Variants in GPM6A observed in about 807,000 individuals in gnomAD.
GPM6A encodes the protein glycoprotein M6A, also known as neuronal membrane glycoprotein M6-a.
A neutral mutation model predicts 32.1 loss-of-function variants in GPM6A; 7 were observed. That is an observed-to-expected ratio of 0.22 (90% CI 0.12 to 0.41). GPM6A has a LOEUF of 0.41. Among genes scored for constraint, GPM6A ranks in the 10% least tolerant of loss-of-function variants. The pLI, the probability that GPM6A is intolerant of heterozygous loss-of-function variation, is 1.00. For missense variants in GPM6A, 235 were observed against 347.2 expected (o/e 0.68, Z 2.57); for synonymous variants, 130 against 123.4 (o/e 1.05, Z -0.35).
At chr4:175,750,402 A>G (rs2581758) in intron 1 of GPM6A, among the ~76,000 whole-genome samples, 1,768 of 152,192 alleles carry the variant, frequency 0.012, 37 homozygotes, top group African/African-American at 0.041. Context: ...CTTGAGACTA[A>G]TGAGGGTAAT....
intron 1 of GPM6A, among the ~76,000 whole-genome samples, chr4:175,895,194 C>T (rs1291432333): frequency 6.6e-6 from 1 of 152,068 alleles, no homozygotes; most frequent in South Asian, 2.1e-4. Context: ...TGAGATGCCA[C>T]CAGTGTAGCC....
intron 1 of GPM6A, among the ~76,000 whole-genome samples, chr4:175,796,552 G>T (rs1295703541): frequency 1.3e-5 from 2 of 152,068 alleles, no homozygotes; most frequent in South Asian, 4.1e-4. Context: ...ATGTTTGAAT[G>T]CTTCTGTTTA....
chr4:175,694,426 A>C (rs934329458), intron 2 of GPM6A, among the ~76,000 whole-genome samples: 3 of 152,212 alleles, frequency 2.0e-5, no homozygotes, highest in Non-Finnish European at 2.9e-5. Flanking sequence ...GAGTTCTTAG[A>C]TGGAAAGAAG....
chr4:175,928,817 C>G lies in GPM6A; in HGVS notation c.-23+73492G>C, dbSNP rs565337667. Reference sequence around the variant, plus strand: ...ACTTGGTTTTATAGTATAGTTTGGCCAAAGTACTCAGGTTTATCATAGACA... The same window carrying G: ...ACTTGGTTTTATAGTATAGTTTGGCGAAAGTACTCAGGTTTATCATAGACA... On this transcript the variant is annotated intron_variant, in intron 1 of 7. Coordinates refer to the GPM6A transcript ENST00000280187. Among the ~76,000 whole-genome samples, 8 of 152,156 alleles carry G rather than the reference C, an allele frequency of 5.3e-5. No individual in the cohort carries two copies. The South Asian group carries it at 1.7e-3, about 32-fold the overall frequency.
chr4:175,928,825 T>C (rs1738931603), intron 1 of GPM6A, among the ~76,000 whole-genome samples: 1 of 152,224 alleles, frequency 6.6e-6, no homozygotes. Flanking sequence ...GCCAAAGTAC[T>C]CAGGTTTATC....
At position 175,697,758 on chromosome 4, in the gene GPM6A, G is replaced by A. The variant is rs371606490; in HGVS notation, c.230+3817C>T. On this transcript the variant is annotated intron_variant, in intron 2 of 6. Coordinates refer to ENST00000393658, the MANE Select transcript of GPM6A (RefSeq NM_201591.3). ...AAATACATTCTTCTCTCTCTCTGGAGGTTGCCACACCTCAAATGTAATGGG... is the reference window on the plus strand; with the variant it reads ...AAATACATTCTTCTCTCTCTCTGGAAGTTGCCACACCTCAAATGTAATGGG... Among the ~76,000 whole-genome samples the A allele has an allele frequency of 5.3e-5, 8 of 152,218 alleles. No homozygotes were observed. In the East Asian group the frequency reaches 5.8e-4, roughly 11 times the overall value.
intron 1 of GPM6A, among the ~76,000 whole-genome samples, chr4:175,915,575 A>T (rs1016871243): frequency 6.6e-6 from 1 of 152,124 alleles, no homozygotes; most frequent in African/African-American, 2.4e-5. Context: ...AAAGTGCTAT[A>T]AGTCAATAAG....
At chr4:175,654,892 TC>T (rs1741998112) in intron 3 of GPM6A, among the ~76,000 whole-genome samples, 1 of 152,132 alleles carries the variant, frequency 6.6e-6, no homozygotes, top group Non-Finnish European at 1.5e-5. Flanking sequence ...GTAATCAGCA[TC>T]CTTTTGGTTG....
intron 2 of GPM6A, among the ~76,000 whole-genome samples, chr4:175,687,371 T>G (rs1268988338): frequency 1.3e-5 from 2 of 152,130 alleles, no homozygotes; most frequent in East Asian, 3.9e-4. Context: ...TTCTATCTTC[T>G]GCTTCTATAA....
intron 4 of GPM6A, among the ~76,000 whole-genome samples, chr4:175,646,677 C>G (rs996519753): frequency 6.6e-6 from 1 of 152,070 alleles, no homozygotes; most frequent in Non-Finnish European, 1.5e-5. Context: ...GGTTTTTGAA[C>G]AAACATAGAA....
intron 1 of GPM6A, among the ~76,000 whole-genome samples, chr4:175,900,341 AGG>A (rs1484948953): frequency 4.8e-4 from 71 of 147,992 alleles, no homozygotes; most frequent in African/African-American, 1.7e-3. Flanking sequence ...AGGAAAGGAA[AGG>A]AAAGGAAAAG....
At chr4:175,680,606 G>A (rs1743628244) in intron 2 of GPM6A, among the ~76,000 whole-genome samples, 1 of 152,076 alleles carries the variant, frequency 6.6e-6, no homozygotes, top group Non-Finnish European at 1.5e-5. Flanking sequence ...TATTGACTTA[G>A]TTTCATTTTT....
chr4:175,963,515 T>A (rs1361881854), intron 1 of GPM6A, among the ~76,000 whole-genome samples: 1 of 152,052 alleles, frequency 6.6e-6, no homozygotes, highest in East Asian at 1.9e-4. Context: ...ATATTTAAAC[T>A]GTTAAAAGGA....
intron 1 of GPM6A, among the ~76,000 whole-genome samples, chr4:175,875,627 T>C (rs1315943280): frequency 6.6e-6 from 1 of 152,186 alleles, no homozygotes; most frequent in Non-Finnish European, 1.5e-5. Flanking sequence ...GTCGAGATGC[T>C]GGTTACTGGT....
chr4:175,864,641 G>A (rs1042709947), intron 1 of GPM6A, among the ~76,000 whole-genome samples: 2 of 151,960 alleles, frequency 1.3e-5, no homozygotes, highest in African/African-American at 2.4e-5. Context: ...TTTTAAATTC[G>A]ATTAATTCCA....
chr4:175,658,681 C>T (rs1239752627), intron 3 of GPM6A, among the ~76,000 whole-genome samples: 1 of 151,980 alleles, frequency 6.6e-6, no homozygotes, highest in East Asian at 1.9e-4. Flanking sequence ...GGGGAGGGGG[C>T]TATGTAAGAA....
chr4:175,711,409 AATATATATAT>A (rs36105210), intron 1 of GPM6A, among the ~76,000 whole-genome samples: 538 of 53,272 alleles, frequency 0.01, 10 homozygotes, highest in African/African-American at 0.014. Flanking sequence ...TGGCACACCA[AATATATATAT>A]ATATATATAT....
intron 1 of GPM6A, among the ~76,000 whole-genome samples, chr4:175,834,834 A>G (rs919709503): frequency 1.3e-5 from 2 of 152,202 alleles, no homozygotes; most frequent in Non-Finnish European, 2.9e-5. Flanking sequence ...TCCCAAAGAA[A>G]GAGAAGAACA....
chr4:175,843,404 A>G (rs993128818), intron 1 of GPM6A, among the ~76,000 whole-genome samples: 5 of 152,176 alleles, frequency 3.3e-5, no homozygotes, highest in Non-Finnish European at 7.3e-5. Flanking sequence ...GCACAAAACA[A>G]TGAGGAGGCA....
Sources: gnomAD v4.1 joint callset for allele counts (sites outside exome capture counted in the v4.1 genomes callset) on GRCh38, gnomAD v4.1.1 for gene constraint, MANE v1.5 for transcripts, NCBI Gene and HGNC (gene_info 2026-07-23, HGNC 2026-07-21) for gene names.